The following PTPDC1 variants were observed in gnomAD, a reference collection of about 807,000 sequenced individuals.
PTPDC1 encodes the protein protein tyrosine phosphatase domain containing 1.
Under a neutral mutation model 75.3 loss-of-function variants are expected in PTPDC1, and 53 were observed. The observed-to-expected ratio is 0.70, with a 90% CI of 0.56 to 0.88. The LOEUF (loss-of-function observed/expected upper bound fraction) is 0.88. PTPDC1 is among the 40% of genes least tolerant of loss of function. The pLI, the probability that PTPDC1 is intolerant of heterozygous loss-of-function variation, is 0.00. For synonymous variants in PTPDC1, 349 were observed against 366.2 expected (o/e 0.95, Z 0.54); for missense variants, 925 against 998.6 (o/e 0.93, Z 0.99).
intron 1 of PTPDC1, among the ~76,000 whole-genome samples, chr9:94,058,736 C>T (rs1160275468): frequency 6.6e-6 from 1 of 151,096 alleles, no homozygotes; most frequent in African/African-American, 2.4e-5. Flanking sequence ...ATTAAAAACC[C>T]CGGACATTTT....
chr9:94,079,348 T>C (rs1826802839), intron 2 of PTPDC1, among the ~76,000 whole-genome samples: 1 of 152,208 alleles, frequency 6.6e-6, no homozygotes, highest in Admixed American at 6.5e-5. Flanking sequence ...TTAGGCTGTC[T>C]CCCTCAGTTG....
chr9:94,065,368 G>A (rs1023164091), intron 2 of PTPDC1, among the ~76,000 whole-genome samples: 11 of 152,194 alleles, frequency 7.2e-5, no homozygotes, highest in Admixed American at 2.6e-4. Flanking sequence ...TACCACCACC[G>A]GCAGTTAGCC....
At chr9:94,035,220 C>G (rs1825228800) in intron 1 of PTPDC1, among the ~76,000 whole-genome samples, 1 of 152,170 alleles carries the variant, frequency 6.6e-6, no homozygotes, top group South Asian at 2.1e-4. Context: ...ATGTAATACA[C>G]TGTTATTAAC....
chr9:94,105,695 A>G lies in PTPDC1; in HGVS notation c.2310+1310A>G, dbSNP rs560884657. 1.5e-4 allele frequency among the ~76,000 whole-genome samples: 21 copies of G among 141,384 alleles called. No individual in the cohort carries two copies. In the South Asian group the frequency reaches 1.6e-3, roughly 11 times the overall value. The allele number at this position is 141,384 out of a possible 152,430, so 92.8% of individuals were successfully genotyped here. On this transcript the variant is annotated intron_variant, in intron 8 of 8. Coordinates refer to ENST00000620992, the MANE Select transcript of PTPDC1 (RefSeq NM_001253829.2). Reference sequence around the variant, plus strand: ...AAAAAAAAAAAAAAAGTGGCCAGGCATGGTGGCTCAAGCCTGTAATCCAAG... The same window carrying G: ...AAAAAAAAAAAAAAAGTGGCCAGGCGTGGTGGCTCAAGCCTGTAATCCAAG...
exon 2 of PTPDC1, chr9:94,064,777 A>G (rs781320577): frequency 3.7e-6 from 6 of 1,613,902 alleles, no homozygotes; most frequent in Non-Finnish European, 4.2e-6. Context: ...GAACAACCAT[A>G]TTCTACCTTG....
intron 2 of PTPDC1, among the ~76,000 whole-genome samples, chr9:94,066,917 A>T (rs1340801075): frequency 1.3e-5 from 2 of 152,140 alleles, no homozygotes; most frequent in East Asian, 3.9e-4. Context: ...TTCAAACACA[A>T]AAGTATACAG....
intron 1 of PTPDC1, among the ~76,000 whole-genome samples, chr9:94,044,458 G>A (rs1353601484): frequency 1.3e-5 from 2 of 151,364 alleles, no homozygotes; most frequent in African/African-American, 4.9e-5. Context: ...TTCCTCCCCC[G>A]ACCCCCCAAC....
chr9:94,045,762 A>G (rs1825577017), intron 1 of PTPDC1, among the ~76,000 whole-genome samples: 1 of 151,884 alleles, frequency 6.6e-6, no homozygotes, highest in East Asian at 1.9e-4. Context: ...TCAGATGAGT[A>G]GGTTGCAAAA....
At position 94,067,751 on chromosome 9, in the gene PTPDC1, G is replaced by A. The variant is rs146437295; in HGVS notation, c.82+2930G>A. Among the ~76,000 whole-genome samples, 139 of 152,170 alleles carry A rather than the reference G, an allele frequency of 9.1e-4. 2 individuals are homozygous for A. In the East Asian group the frequency reaches 0.026, roughly 28 times the overall value. On this transcript the variant is annotated intron_variant, in intron 2 of 9. Transcript: ENST00000375360. ...CGAGTAGCTGGGATTACAGGCATGC[G>A]CCACCATGCCTGGCTAATTTTTGTT...
At chr9:94,056,040 A>T (rs1337044819) in intron 1 of PTPDC1, among the ~76,000 whole-genome samples, 1 of 152,144 alleles carries the variant, frequency 6.6e-6, no homozygotes, top group African/African-American at 2.4e-5. Context: ...CTGTTAGGGG[A>T]TGGGTATATG....
chr9:94,087,053 A>G (rs942708963), intron 2 of PTPDC1, among the ~76,000 whole-genome samples: 1 of 152,224 alleles, frequency 6.6e-6, no homozygotes, highest in Non-Finnish European at 1.5e-5. Flanking sequence ...TAAGATTCAG[A>G]TAGTTGAATA....
At chr9:94,048,714 A>G (rs71456479) in intron 1 of PTPDC1, among the ~76,000 whole-genome samples, 4 of 152,186 alleles carry the variant, frequency 2.6e-5, no homozygotes, top group Non-Finnish European at 5.9e-5. Context: ...GTAGATGTCT[A>G]TTAGGTCTGC....
chr9:94,048,289 G>C (rs1825679511), intron 1 of PTPDC1, among the ~76,000 whole-genome samples: 1 of 152,048 alleles, frequency 6.6e-6, no homozygotes, highest in African/African-American at 2.4e-5. Flanking sequence ...TCTTTTAATT[G>C]TGATGTTAGG....
intron 1 of PTPDC1, chr9:94,038,386 T>C (rs1454429618): frequency 2.3e-6 from 1 of 443,706 alleles, no homozygotes; most frequent in Non-Finnish European, 4.1e-6. Context: ...GTCTCATGAC[T>C]TTTTTATGTG....
upstream of PTPDC1, among the ~76,000 whole-genome samples, chr9:94,083,961 A>G (rs1195043173): frequency 6.6e-6 from 1 of 152,234 alleles, no homozygotes; most frequent in Non-Finnish European, 1.5e-5. Flanking sequence ...TTACCAAGAA[A>G]AAATAGAAGT....
Position 94,088,148 on chromosome 9 carries a change from T to C in PTPDC1, c.501T>C (p.His167=). 6.2e-7 allele frequency: 1 copy of C among 1,612,844 alleles called. No individual in the cohort carries two copies. The highest frequency in any genetic ancestry group is 8.5e-7 in the Non-Finnish European group (1 of 1,179,690). The change falls in exon 4 of 9, where the codon CAT becomes CAC. Residue 167 remains histidine, a synonymous_variant. Transcript: ENST00000620992. ...KYHIIDQFLS[H]GIKTIINLQR... is the part of the protein sequence containing the mutation. The stretch of plus-strand genomic sequence containing the variant: ...TGACTGCCCTTTTTCCTTTAAGCCA[T>C]GGCATAAAAACAATAATCAACCTCC...
At chr9:94,091,581 A>G (rs1287746039) in intron 4 of PTPDC1, among the ~76,000 whole-genome samples, 2 of 152,040 alleles carry the variant, frequency 1.3e-5, no homozygotes, top group African/African-American at 4.8e-5. Context: ...TTGGTATCAG[A>G]ATGATGCTGG....
chr9:94,095,736 A>G (rs978867482), intron 5 of PTPDC1, among the ~76,000 whole-genome samples: 1 of 152,248 alleles, frequency 6.6e-6, no homozygotes. Context: ...TCTGATCACT[A>G]TACATTATAT....
At chr9:94,070,098 C>T (rs1328894710) in intron 2 of PTPDC1, among the ~76,000 whole-genome samples, 1 of 152,082 alleles carries the variant, frequency 6.6e-6, no homozygotes, top group Non-Finnish European at 1.5e-5. Flanking sequence ...GCTGGGATTA[C>T]AGGCATGAGC....
Sources: allele counts gnomAD v4.1 joint callset (sites outside exome capture counted in the v4.1 genomes callset), GRCh38; gene constraint gnomAD v4.1.1; transcripts MANE v1.5; gene names NCBI Gene and HGNC (gene_info 2026-07-23, HGNC 2026-07-21).